Variants in CEP43 observed in about 807,000 individuals in gnomAD.
CEP43 encodes centrosomal protein 43.
In CEP43, 36 loss-of-function variants were observed where a neutral mutation model predicts 52.6. That is an observed-to-expected ratio of 0.68 (90% CI 0.52 to 0.90). CEP43 has a LOEUF of 0.90. Among genes scored for constraint, CEP43 ranks in the 40% least tolerant of loss-of-function variants. CEP43 has a pLI of 0.00. For missense variants in CEP43, 506 were observed against 472.8 expected, an observed-to-expected ratio of 1.07 and a Z score of -0.65; for synonymous variants, 192 against 172.4, an observed-to-expected ratio of 1.11 and a Z score of -0.89.
chr6:167,003,260 GT>G lies in CEP43; in HGVS notation c.211+16del. ...AATACCAAAGACGGTAAGATGTTCAGTTTGTTCTTGTTTATCTATCTCTGAA... is the reference window on the plus strand; with the variant it reads ...AATACCAAAGACGGTAAGATGTTCAGTTGTTCTTGTTTATCTATCTCTGAA... On this transcript the variant is annotated intron_variant, in intron 3 of 12. Coordinates refer to ENST00000366847, the MANE Select transcript of CEP43 (RefSeq NM_007045.4). 2.1e-6 allele frequency: 3 copies of G among 1,408,844 alleles called. No homozygotes were observed. The highest frequency in any genetic ancestry group is 2.9e-6 in the Non-Finnish European group (3 of 1,030,440). 87.3% of individuals were successfully genotyped at this position (1,408,844 alleles called of 1,614,324 possible). A position where few individuals can be genotyped will look rare whatever the true frequency, so the allele number is the denominator to read the frequency against.
rs368174160 is a variant in CEP43, at chr6:167,024,821, G to A, written c.846G>A (p.Ser282=). Residue 282 remains serine (S), a synonymous_variant, in exon 9 of 13, where the codon TCG becomes TCA. Coordinates refer to ENST00000366847, the MANE Select transcript of CEP43 (RefSeq NM_007045.4). Reference sequence around the variant, plus strand: ...GGAAGCAAGCAGGAAGTCTGGCCTCGCTCTCGGATGCACCCCCCTTAAAAA... The same window carrying A: ...GGAAGCAAGCAGGAAGTCTGGCCTCACTCTCGGATGCACCCCCCTTAAAAA... The part of the protein sequence containing the change: ...EPRKQAGSLA[S]LSDAPPLKSG... 10 of 1,613,176 alleles carry A rather than the reference G, an allele frequency of 6.2e-6. 1 individual carries two copies. In the African/African-American group the frequency reaches 8.0e-5, roughly 13 times the overall value.
In CEP43 at chr6:167,003,342, G is replaced by A. The variant is rs975207188; in HGVS notation, c.211+95G>A. On this transcript the variant is annotated intron_variant, in intron 3 of 12. Transcript: ENST00000366847. ...TCAGGAATTTCAGGGCTTTTTTTTT[G>A]TCTTCAATTGTTATAGGTCCTCATT... The A allele has an allele frequency of 4.7e-6, 3 of 632,378 alleles. No individual in the cohort carries two copies. The African/African-American group carries it at 5.7e-5, about 12-fold the overall frequency. The allele number at this position is 632,378 out of a possible 1,614,324, so 39.2% of individuals were successfully genotyped here.
At chr6:167,018,863 AT>A (rs1780160578) in intron 7 of CEP43, among the ~76,000 whole-genome samples, 2 of 152,188 alleles carry the variant, frequency 1.3e-5, no homozygotes, top group Admixed American at 6.5e-5. Flanking sequence ...TTTAAAGCAG[AT>A]TCCCGGGTAT....
At chr6:167,003,856 C>A in intron 4 of CEP43, 45 bp downstream of exon 4, 1 of 1,163,408 alleles carries the variant, frequency 8.6e-7, no homozygotes, top group Non-Finnish European at 1.3e-6. Flanking sequence ...ACCTTTGATA[C>A]AAATGAGTTA....
At chr6:167,002,758 A>G (rs1316725929) in intron 2 of CEP43, among the ~76,000 whole-genome samples, 9 of 152,214 alleles carry the variant, frequency 5.9e-5, no homozygotes, top group Non-Finnish European at 1.2e-4. Context: ...AAGTTGGCCT[A>G]TGGGCCGCAT....
chr6:167,025,660 C>G (rs1235243784), intron 9 of CEP43, among the ~76,000 whole-genome samples: 4 of 152,184 alleles, frequency 2.6e-5, no homozygotes, highest in Non-Finnish European at 5.9e-5. Flanking sequence ...TGTGGGACTT[C>G]CTAGGGCACA....
In CEP43 at chr6:167,052,589, T is replaced by C. The variant is rs1033214236; in HGVS notation, c.*12611T>C. 1 of 152,258 alleles carries C rather than the reference T, an allele frequency of 6.6e-6. No homozygotes were observed. The highest frequency in any genetic ancestry group is 1.5e-5 in the Non-Finnish European group (1 of 68,048). The allele number at this position is 152,258 out of a possible 1,614,324, so 9.4% of individuals were successfully genotyped here. ...CTTCTCGATTTTGCGGATTTCAAAA[T>C]GGCTCCACGTACTCATAGTTTTCAT... On this transcript the variant is annotated 3_prime_UTR_variant, in exon 13 of 13. Coordinates refer to ENST00000366847, the MANE Select transcript of CEP43 (RefSeq NM_007045.4).
At chr6:167,039,048 A>G (rs535185233) in intron 12 of CEP43, among the ~76,000 whole-genome samples, 1 of 152,062 alleles carries the variant, frequency 6.6e-6, no homozygotes, top group Non-Finnish European at 1.5e-5. Flanking sequence ...GGAAGATGTG[A>G]TGTTTGGTTT....
At chr6:167,003,150 T>G in intron 2 of CEP43, 43 bp from the exon 3 acceptor site, 1 of 884,096 alleles carries the variant, frequency 1.1e-6, no homozygotes, top group Non-Finnish European at 1.8e-6. Context: ...GTAGTTGTTT[T>G]TAGGGTAAAC....
intron 2 of CEP43, among the ~76,000 whole-genome samples, chr6:167,001,746 G>A (rs1282445737): frequency 2.0e-5 from 3 of 152,096 alleles, no homozygotes; most frequent in Admixed American, 1.3e-4. Flanking sequence ...TATCTGAAGT[G>A]TCCCCAAGGG....
rs1165242543 is a variant in CEP43, at chr6:167,052,046, T to C, written c.*12068T>C. 1 of 152,158 alleles carries C rather than the reference T, an allele frequency of 6.6e-6. No individual in the cohort carries two copies. The highest frequency in any genetic ancestry group is 1.5e-5 in the Non-Finnish European group (1 of 68,034). The allele number at this position is 152,158 out of a possible 1,614,324, so 9.4% of individuals were successfully genotyped here. A position where few individuals can be genotyped will look rare whatever the true frequency, so the allele number is the denominator to read the frequency against. ...CTTTTGCATTAAGTATTTTCTAGTT[T>C]AACAACTTAATTTCTTAAATTATTT... is the stretch of plus-strand genomic sequence containing the variant. On this transcript the variant is annotated 3_prime_UTR_variant, in exon 13 of 13. Coordinates refer to ENST00000366847, the MANE Select transcript of CEP43 (RefSeq NM_007045.4).
At chr6:167,034,882 G>A (rs1177095718) in intron 12 of CEP43, among the ~76,000 whole-genome samples, 1 of 123,480 alleles carries the variant, frequency 8.1e-6, no homozygotes, top group African/African-American at 2.9e-5. Flanking sequence ...AATTCCTGAT[G>A]TATTATATAC....
At chr6:166,999,791 A>G (rs992883566) in intron 1 of CEP43, 1 of 527,510 alleles carries the variant, frequency 1.9e-6, no homozygotes, top group South Asian at 2.6e-5. Context: ...TGGGGGCCAC[A>G]CGGGCGGCCC....
chr6:167,040,749 T>TATTCAATACCA lies in CEP43; in HGVS notation c.*772_*773insTTCAATACCAA. 2.0e-6 allele frequency: 2 copies of TATTCAATACCA among 1,012,130 alleles called. No individual in the cohort carries two copies. Among genetic ancestry groups the TATTCAATACCA allele is most frequent in the Non-Finnish European group, 2.4e-6 (2 of 841,908 alleles). 62.7% of individuals were successfully genotyped at this position (1,012,130 alleles called of 1,614,324 possible). A position where few individuals can be genotyped will look rare whatever the true frequency, so the allele number is the denominator to read the frequency against. On this transcript the variant is annotated 3_prime_UTR_variant, in exon 13 of 13. Coordinates refer to ENST00000366847, the MANE Select transcript of CEP43 (RefSeq NM_007045.4). Reference sequence around the variant, plus strand: ...TTATCTGTAAAGATTCCTTGAAACTTAAATGCATCTGAAACCATTAAGCAG... The same window carrying TATTCAATACCA: ...TTATCTGTAAAGATTCCTTGAAACTTATTCAATACCAAAATGCATCTGAAACCATTAAGCAG...
In CEP43 at chr6:167,041,965, A is replaced by G; in HGVS notation, c.*1987A>G. 1 of 396,932 alleles carries G rather than the reference A, an allele frequency of 2.5e-6. No individual in the cohort carries two copies. Among genetic ancestry groups the G allele is most frequent in the Non-Finnish European group, 3.5e-6 (1 of 287,638 alleles). The allele number at this position is 396,932 out of a possible 1,614,324, so 24.6% of individuals were successfully genotyped here. On this transcript the variant is annotated 3_prime_UTR_variant, in exon 13 of 13. Coordinates refer to ENST00000366847, the MANE Select transcript of CEP43 (RefSeq NM_007045.4). ...CAGCCTCCTGAGTAGCTGGGATTAC[A>G]GGTGCACACCACCACGCCCGGCTAA...
rs140016037 is a variant in CEP43, at chr6:167,001,494, A to G, written c.156+1381A>G. On this transcript the variant is annotated intron_variant, in intron 2 of 12. Transcript: ENST00000366847. Reference sequence around the variant, plus strand: ...TCTTTTTCCTGTACACCTGACTGAGACTTATCCACAGTTGTCATTCTGTAC... The same window carrying G: ...TCTTTTTCCTGTACACCTGACTGAGGCTTATCCACAGTTGTCATTCTGTAC... Among the ~76,000 whole-genome samples the G allele has an allele frequency of 1.6e-3, 244 of 152,114 alleles. 2 individuals carry two copies. Among genetic ancestry groups the G allele is most frequent in the African/African-American group, 5.8e-3 (241 of 41,482 alleles).
At chr6:167,039,574 G>A (rs911798709) in intron 12 of CEP43, among the ~76,000 whole-genome samples, 2 of 152,228 alleles carry the variant, frequency 1.3e-5, no homozygotes, top group Admixed American at 6.5e-5. Context: ...GCGTGTGCAA[G>A]TATCTTTTTC....
In CEP43 at chr6:167,015,540, G is replaced by A. The variant is rs35235683; in HGVS notation, c.579+1973G>A. Reference sequence around the variant, plus strand: ...TGGTAGGTGAGTGGCATCTCCCAAGGTATGCAAAGCCATCATGGGAGCCCT... The same window carrying A: ...TGGTAGGTGAGTGGCATCTCCCAAGATATGCAAAGCCATCATGGGAGCCCT... On this transcript the variant is annotated intron_variant, in intron 7 of 12. Transcript: ENST00000366847. 5.9e-5 allele frequency among the ~76,000 whole-genome samples: 9 copies of A among 152,322 alleles called. No individual in the cohort carries two copies. In the South Asian group the frequency reaches 1.0e-3, roughly 18 times the overall value.
rs1239550575 is a variant in CEP43 at position 167,041,415 on chromosome 6, G to C, written c.*1437G>C. On this transcript the variant is annotated 3_prime_UTR_variant, in exon 13 of 13. Transcript: ENST00000366847. ...GGAGCCCTGTGTATTTCTGCCCTCC[G>C]TCTGTGAGCTGCTATCTCAGTCTCC... 9.4e-7 allele frequency: 1 copy of C among 1,060,710 alleles called. No individual in the cohort carries two copies. The allele number at this position is 1,060,710 out of a possible 1,614,324, so 65.7% of individuals were successfully genotyped here. A position where few individuals can be genotyped will look rare whatever the true frequency, so the allele number is the denominator to read the frequency against.
Sources: gnomAD v4.1 joint callset for allele counts (sites outside exome capture counted in the v4.1 genomes callset) on GRCh38, gnomAD v4.1.1 for gene constraint, MANE v1.5 for transcripts, NCBI Gene and HGNC (gene_info 2026-07-23, HGNC 2026-07-21) for gene names.